CA10: variants seen among roughly 807,000 people sequenced by gnomAD.
The protein encoded by CA10 is carbonic anhydrase 10 (inactive).
Under a neutral mutation model 44.2 loss-of-function variants are expected in CA10, and 14 were observed. The observed-to-expected ratio is 0.32, with a 90% CI of 0.21 to 0.50. CA10 has a LOEUF of 0.50. CA10 is among the 20% of genes least tolerant of loss of function. The probability of loss-of-function intolerance (pLI) is 0.99; values close to 1 mark genes in which losing one functional copy is unlikely to be tolerated. For missense variants in CA10, 350 were observed against 409.7 expected, an observed-to-expected ratio of 0.85 and a Z score of 1.26; for synonymous variants, 159 against 141.6, an observed-to-expected ratio of 1.12 and a Z score of -0.87.
At chr17:51,786,214 C>CTGTGTGTG (rs71357856) in intron 3 of CA10, among the ~76,000 whole-genome samples, 30 of 148,020 alleles carry the variant, frequency 2.0e-4, no homozygotes, top group African/African-American at 6.9e-4. Flanking sequence ...CTTTGTGTGT[C>CTGTGTGTG]TGTGTGTGTG....
At chr17:51,857,463 T>C (rs113165863) in intron 3 of CA10, among the ~76,000 whole-genome samples, 61 of 152,260 alleles carry the variant, frequency 4.0e-4, no homozygotes, top group African/African-American at 1.3e-3. Context: ...TGAAAAGTAC[T>C]GTCATTAGCA....
chr17:51,669,418 G>A (rs184560597), intron 4 of CA10, among the ~76,000 whole-genome samples: 2 of 152,262 alleles, frequency 1.3e-5, no homozygotes, highest in Non-Finnish European at 2.9e-5. Flanking sequence ...TCAGCAGGAT[G>A]TGGGTGGGGT....
intron 3 of CA10, among the ~76,000 whole-genome samples, chr17:51,823,554 A>G (rs954967611): frequency 2.0e-5 from 3 of 152,156 alleles, no homozygotes; most frequent in African/African-American, 7.2e-5. Flanking sequence ...AGTTGTGCTC[A>G]CTGTAGAGGG....
At chr17:52,121,801 C>G (rs1468104943) in intron 1 of CA10, among the ~76,000 whole-genome samples, 2 of 152,126 alleles carry the variant, frequency 1.3e-5, no homozygotes, top group African/African-American at 4.8e-5. Flanking sequence ...AAGCCCGTCT[C>G]CCAGACAATC....
intron 4 of CA10, among the ~76,000 whole-genome samples, chr17:51,717,555 ATATAT>A (rs1916155608): frequency 1.2e-5 from 1 of 85,794 alleles, no homozygotes; most frequent in African/African-American, 3.6e-5. Flanking sequence ...ATATATATAT[ATATAT>A]AATATTACAT....
chr17:51,659,519 C>T (rs2143305545), intron 4 of CA10, among the ~76,000 whole-genome samples: 1 of 152,262 alleles, frequency 6.6e-6, no homozygotes, highest in East Asian at 1.9e-4. Flanking sequence ...AATCAAAATT[C>T]AAAATACTTT....
intron 3 of CA10, among the ~76,000 whole-genome samples, chr17:51,777,888 T>C (rs1331795478): frequency 6.6e-6 from 1 of 152,164 alleles, no homozygotes; most frequent in African/African-American, 2.4e-5. Flanking sequence ...GCCATAATTG[T>C]GCCACTGCAC....
At chr17:52,058,484 G>T (rs1423310843) in intron 2 of CA10, among the ~76,000 whole-genome samples, 1 of 152,130 alleles carries the variant, frequency 6.6e-6, no homozygotes, top group Non-Finnish European at 1.5e-5. Flanking sequence ...ACACAATGGA[G>T]TGGGATCCAA....
At chr17:51,952,052 T>C (rs567920559) in intron 2 of CA10, among the ~76,000 whole-genome samples, 9 of 152,292 alleles carry the variant, frequency 5.9e-5, no homozygotes, top group African/African-American at 2.2e-4. Flanking sequence ...GAAGAGAAAA[T>C]TAACTGCCAA....
intron 3 of CA10, among the ~76,000 whole-genome samples, chr17:51,863,693 C>T (rs1979416945): frequency 2.6e-5 from 4 of 152,148 alleles, no homozygotes; most frequent in South Asian, 4.2e-4. Context: ...TTCAATAGAA[C>T]TCCTCCCAGA....
chr17:51,887,560 T>C (rs2143901495), intron 3 of CA10, among the ~76,000 whole-genome samples: 1 of 152,360 alleles, frequency 6.6e-6, no homozygotes, highest in East Asian at 1.9e-4. Context: ...CAATTACTTT[T>C]GGTTCAGCGA....
chr17:51,868,417 T>C (rs1257945310), intron 3 of CA10, among the ~76,000 whole-genome samples: 1 of 152,148 alleles, frequency 6.6e-6, no homozygotes, highest in Non-Finnish European at 1.5e-5. Context: ...GCGTGCCGTC[T>C]CCTGCCTCAC....
At chr17:51,686,776 T>G (rs1479953351) in intron 4 of CA10, among the ~76,000 whole-genome samples, 1 of 152,124 alleles carries the variant, frequency 6.6e-6, no homozygotes, top group Admixed American at 6.5e-5. Flanking sequence ...CATCTCACAC[T>G]TGATCAGTGG....
At chr17:51,971,059 A>G (rs2144069433) in intron 2 of CA10, among the ~76,000 whole-genome samples, 1 of 152,210 alleles carries the variant, frequency 6.6e-6, no homozygotes, top group East Asian at 1.9e-4. Context: ...TTCAAAATAC[A>G]CTATGAAAGA....
At chr17:51,881,034 G>A (rs538194328) in intron 3 of CA10, among the ~76,000 whole-genome samples, 5 of 151,848 alleles carry the variant, frequency 3.3e-5, no homozygotes, top group African/African-American at 4.8e-5. Context: ...TCAGGAGATC[G>A]AGACCATCCT....
intron 2 of CA10, among the ~76,000 whole-genome samples, chr17:52,039,439 T>A (rs931539441): frequency 3.3e-5 from 5 of 152,056 alleles, no homozygotes; most frequent in East Asian, 1.9e-4. Flanking sequence ...TGATTTTTTT[T>A]AAAGTGATCT....
At chr17:51,796,465 C>A (rs2143707063) in intron 3 of CA10, among the ~76,000 whole-genome samples, 1 of 152,254 alleles carries the variant, frequency 6.6e-6, no homozygotes, top group Non-Finnish European at 1.5e-5. Context: ...GCAGAGAAAT[C>A]TATATTCTAT....
intron 2 of CA10, among the ~76,000 whole-genome samples, chr17:52,054,138 A>G (rs770313639): frequency 1.3e-5 from 2 of 152,164 alleles, no homozygotes; most frequent in Non-Finnish European, 2.9e-5. Flanking sequence ...ACAGAGTCAT[A>G]TTTCTCTTCT....
chr17:52,097,261 G>A (rs1988426472), intron 1 of CA10, among the ~76,000 whole-genome samples: 1 of 152,128 alleles, frequency 6.6e-6, no homozygotes, highest in Admixed American at 6.5e-5. Context: ...TTTTAAATGT[G>A]TGTCAATAGA....
Sources: gnomAD v4.1 joint callset for allele counts (sites outside exome capture counted in the v4.1 genomes callset) on GRCh38, gnomAD v4.1.1 for gene constraint, MANE v1.5 for transcripts, NCBI Gene and HGNC (gene_info 2026-07-23, HGNC 2026-07-21) for gene names.